CAPS2: variants seen among roughly 807,000 people sequenced by gnomAD.
CAPS2 encodes the protein calcyphosin-2.
In CAPS2, 98 loss-of-function variants were observed where a neutral mutation model predicts 86.5. That is an observed-to-expected ratio of 1.13 (90% CI 0.96 to 1.34). The LOEUF (loss-of-function observed/expected upper bound fraction) is 1.34, where lower values mean the gene tolerates loss of function less well. CAPS2 is among the 40% of genes most tolerant of loss of function. The pLI, the probability that CAPS2 is intolerant of heterozygous loss-of-function variation, is 0.00. For synonymous variants in CAPS2, 210 were observed against 225.1 expected, an observed-to-expected ratio of 0.93 and a Z score of 0.60; for missense variants, 729 against 686.8, an observed-to-expected ratio of 1.06 and a Z score of -0.69.
chr12:75,283,004 T>G (rs1018022988), intron 15 of CAPS2, among the ~76,000 whole-genome samples: 1 of 152,150 alleles, frequency 6.6e-6, no homozygotes, highest in Non-Finnish European at 1.5e-5. Context: ...AGGATTCATA[T>G]GAAACGCATA....
intron 1 of CAPS2, chr12:75,347,783 T>C (rs1235300027): frequency 1.9e-6 from 2 of 1,059,348 alleles, no homozygotes; most frequent in East Asian, 5.0e-5. Flanking sequence ...GGTTGCCAAA[T>C]AAGAGGACCT....
rs140727762 is a variant in CAPS2, at chr12:75,280,446, C to G, written c.1613-1381G>C. On this transcript the variant is annotated intron_variant, in intron 16 of 16. Coordinates refer to ENST00000393284, the Ensembl canonical transcript of CAPS2. ...AGACAAATTATGGAATTTTTGAAAC[C>G]AAAAAAGGCTTTCCCAACAACAACA... 1.3e-3 allele frequency among the ~76,000 whole-genome samples: 194 copies of G among 151,180 alleles called. 2 individuals are homozygous for G. The highest frequency in any genetic ancestry group is 4.4e-3 in the African/African-American group (182 of 41,292).
At chr12:75,298,484 T>C (rs1593332939) in intron 11 of CAPS2, 2 of 516,030 alleles carry the variant, frequency 3.9e-6, no homozygotes. Context: ...ATAAATGATA[T>C]GCTTGGATTC....
intron 1 of CAPS2, among the ~76,000 whole-genome samples, chr12:75,356,330 T>G (rs1489646086): frequency 1.3e-5 from 2 of 152,124 alleles, no homozygotes; most frequent in Non-Finnish European, 2.9e-5. Flanking sequence ...GATGATAAGT[T>G]TGTGGATAAA....
upstream of CAPS2, among the ~76,000 whole-genome samples, chr12:75,327,959 T>C (rs550292586): frequency 5.9e-5 from 9 of 151,950 alleles, no homozygotes; most frequent in Admixed American, 1.3e-4. Context: ...CTTCACCCCA[T>C]CCCTAGAGCT....
At chr12:75,282,120 A>C (rs1593183026) in intron 16 of CAPS2, 131 bp downstream of exon 16, 1 of 644,256 alleles carries the variant, frequency 1.6e-6, no homozygotes, top group African/African-American at 1.9e-5. Flanking sequence ...ATAGTTCATA[A>C]GTTTCCAGTT....
At chr12:75,347,787 A>T in intron 1 of CAPS2, 1 of 1,010,242 alleles carries the variant, frequency 9.9e-7, no homozygotes, top group Non-Finnish European at 1.5e-6. Context: ...GCCAAATAAG[A>T]GGACCTTATA....
rs545501362 is a variant in CAPS2 at position 75,299,614 on chromosome 12, G to T, written c.854+223C>A. Among the ~76,000 whole-genome samples the T allele has an allele frequency of 2.0e-5, 3 of 151,754 alleles. No individual in the cohort carries two copies. The East Asian group carries it at 5.8e-4, about 29-fold the overall frequency. ...TACTTTTTAAAAAATATTTAAATTC[G>T]CTTTAAAGATAACTTTTAATTAGAA... On this transcript the variant is annotated intron_variant, in intron 9 of 16. Transcript: ENST00000393284.
upstream of CAPS2, among the ~76,000 whole-genome samples, chr12:75,331,004 C>T (rs778846638): frequency 6.6e-6 from 1 of 152,054 alleles, no homozygotes; most frequent in Non-Finnish European, 1.5e-5. Flanking sequence ...AGGCTGGTCT[C>T]GAACTCCTGA....
chr12:75,329,867 C>G, upstream of CAPS2: 1 of 1,543,086 alleles, frequency 6.5e-7, no homozygotes, highest in Middle Eastern at 1.7e-4. Context: ...CATCCCCTAC[C>G]TAACTGGGAT....
Position 75,316,353 on chromosome 12 carries a change from T to C in CAPS2, c.550A>G (p.Asn184Asp), listed in dbSNP as rs967983897. 32 of 1,550,960 alleles carry C rather than the reference T, an allele frequency of 2.1e-5. 1 individual carries two copies. The East Asian group carries it at 4.2e-4, about 20-fold the overall frequency. Residue 184 changes from asparagine (N) to aspartate (D), a missense_variant, in exon 6 of 17, where the codon AAC becomes GAC. Physicochemically the swap from Asn to Asp is conservative, Grantham distance 23. Coordinates refer to ENST00000393284, the Ensembl canonical transcript of CAPS2. Reference sequence around the variant, plus strand: ...GCCCTCTGTTGTTTATCGCAAGAGTTGTCTGCATAACCTTGCTGTAAGATG... The same window carrying C: ...GCCCTCTGTTGTTTATCGCAAGAGTCGTCTGCATAACCTTGCTGTAAGATG...
At chr12:75,323,068 G>A in exon 4 of CAPS2, 1 of 1,548,180 alleles carries the variant, frequency 6.5e-7, no homozygotes, top group South Asian at 1.2e-5. Context: ...TGTACTAAGT[G>A]GAATATATGA....
At chr12:75,299,853 C>A in exon 9 of CAPS2, 1 of 1,515,808 alleles carries the variant, frequency 6.6e-7, no homozygotes, top group East Asian at 2.4e-5. Context: ...ACGATCCTAC[C>A]ATCAAACTGT....
At chr12:75,356,207 G>A (rs754099373) in intron 1 of CAPS2, among the ~76,000 whole-genome samples, 6 of 151,962 alleles carry the variant, frequency 3.9e-5, no homozygotes, top group African/African-American at 7.2e-5. Context: ...TGGACATAAT[G>A]CAAAAGAAGC....
intron 1 of CAPS2, among the ~76,000 whole-genome samples, chr12:75,346,295 T>C (rs1010122395): frequency 2.0e-5 from 3 of 152,234 alleles, no homozygotes; most frequent in African/African-American, 7.2e-5. Context: ...AATGCTCTTT[T>C]AATCATCTCA....
intron 1 of CAPS2, among the ~76,000 whole-genome samples, chr12:75,387,253 C>T (rs1460014946): frequency 2.0e-5 from 3 of 152,066 alleles, no homozygotes; most frequent in Non-Finnish European, 4.4e-5. Flanking sequence ...GGTCAAAAAC[C>T]TTAATGGACA....
downstream of CAPS2, chr12:75,276,879 A>G (rs2033030440): frequency 1.0e-6 from 1 of 980,386 alleles, no homozygotes; most frequent in Non-Finnish European, 1.2e-6. Context: ...GTCTTTTAGA[A>G]TTACAAAGAC....
At chr12:75,358,856 T>A (rs938965873) in intron 1 of CAPS2, among the ~76,000 whole-genome samples, 1 of 134,638 alleles carries the variant, frequency 7.4e-6, no homozygotes, top group Non-Finnish European at 1.6e-5. Flanking sequence ...ATATTATATA[T>A]GGTTTAAACA....
chr12:75,321,552 A>T (rs1332146308), exon 5 of CAPS2: 1 of 1,547,744 alleles, frequency 6.5e-7, no homozygotes, highest in South Asian at 1.2e-5. Context: ...GGTGCTGGCA[A>T]ATTTTCAGGT....
Sources: allele counts gnomAD v4.1 joint callset (sites outside exome capture counted in the v4.1 genomes callset), GRCh38; gene constraint gnomAD v4.1.1; transcripts MANE v1.5; gene names NCBI Gene and HGNC (gene_info 2026-07-23, HGNC 2026-07-21).